The following PNPT1 variants were observed in gnomAD, a reference collection of about 807,000 sequenced individuals.
PNPT1 encodes polyribonucleotide nucleotidyltransferase 1, also known as polyribonucleotide nucleotidyltransferase 1, mitochondrial.
In PNPT1, 53 loss-of-function variants were observed where a neutral mutation model predicts 119.5. The ratio of observed to expected loss-of-function variants is 0.44; its 90% CI spans 0.36 to 0.56. The LOEUF (loss-of-function observed/expected upper bound fraction) is 0.56, where lower values mean the gene tolerates loss of function less well. PNPT1 is among the 20% of genes least tolerant of loss of function. The pLI is 0.00. For synonymous variants in PNPT1, 357 were observed against 322.1 expected, an observed-to-expected ratio of 1.11 and a Z score of -1.16; for missense variants, 948 against 938.5, an observed-to-expected ratio of 1.01 and a Z score of -0.13.
chr2:55,686,664 G>C (rs569020126), intron 2 of PNPT1, among the ~76,000 whole-genome samples: 3 of 152,288 alleles, frequency 2.0e-5, no homozygotes, highest in Non-Finnish European at 2.9e-5. Context: ...AGGTAATTTA[G>C]TCATATTCAA....
chr2:55,687,221 A>AAC (rs1697437520), intron 2 of PNPT1, among the ~76,000 whole-genome samples: 1 of 149,726 alleles, frequency 6.7e-6, no homozygotes, highest in Non-Finnish European at 1.5e-5. Context: ...CTCAAAAAAA[A>AAC]AAAAAAAAAA....
intron 8 of PNPT1, among the ~76,000 whole-genome samples, chr2:55,676,734 C>T (rs542275200): frequency 2.7e-4 from 41 of 151,734 alleles, no homozygotes; most frequent in African/African-American, 3.9e-4. Flanking sequence ...TGGTGGTGCA[C>T]GCCTGTAATC....
At position 55,672,895 on chromosome 2, in the gene PNPT1, A is replaced by G. The variant is rs1371830965; in HGVS notation, c.864T>C (p.His288=). The change falls in exon 9 of 28, where the codon CAT becomes CAC. Residue 288 remains histidine (H), a splice_region_variant and synonymous_variant. Coordinates refer to ENST00000447944, the MANE Select transcript of PNPT1 (RefSeq NM_033109.5). The stretch of plus-strand genomic sequence containing the variant: ...TTCATTTGCACAGATGTTCTTACTT[A>G]TGAGTATATTTCACAATCTCTGGCG... ...TPSPEIVKYT[H]KLAMERLYAV... The G allele has an allele frequency of 1.9e-6, 3 of 1,591,414 alleles. No individual in the cohort carries two copies. Among genetic ancestry groups the G allele is most frequent in the African/African-American group, 1.4e-5 (1 of 73,316 alleles).
intron 25 of PNPT1, among the ~76,000 whole-genome samples, chr2:55,641,136 A>G (rs1029881390): frequency 2.6e-5 from 4 of 152,130 alleles, no homozygotes; most frequent in African/African-American, 4.8e-5. Context: ...AGGCAGGAGA[A>G]TTGTTTGAAC....
intron 8 of PNPT1, among the ~76,000 whole-genome samples, chr2:55,676,654 G>C (rs1697082346): frequency 6.6e-6 from 1 of 152,124 alleles, no homozygotes; most frequent in Admixed American, 6.6e-5. Flanking sequence ...CTGAGGTCAG[G>C]AGTTTGAGAC....
At chr2:55,683,671 G>C (rs997107764) in intron 5 of PNPT1, 114 bp downstream of exon 5, 2 of 790,700 alleles carry the variant, frequency 2.5e-6, no homozygotes, top group Admixed American at 3.2e-5. Flanking sequence ...AAATATAACA[G>C]TATCATAAAA....
At position 55,661,978 on chromosome 2, in the gene PNPT1, C is replaced by G; in HGVS notation, c.1225G>C (p.Asp409His). The part of the protein sequence containing the change: ...FDSLESGIKS[D>H]QVITAINGIK... ...TACTTTATAGCTGTTATAACTTGAT[C>G]TGACTTAATACCAGATTCTAATGAA... The change falls in exon 14 of 28, where the codon GAT becomes CAT. Residue 409 changes from aspartate (D) to histidine (H), a missense_variant. By Grantham distance (81) the Asp-to-His change is moderately conservative. Coordinates refer to ENST00000447944, the MANE Select transcript of PNPT1 (RefSeq NM_033109.5). 1 of 1,571,676 alleles carries G rather than the reference C, an allele frequency of 6.4e-7. No homozygotes were observed. The highest frequency in any genetic ancestry group is 8.6e-7 in the Non-Finnish European group (1 of 1,166,258).
At chr2:55,650,206 C>A (rs1696129455) in intron 18 of PNPT1, among the ~76,000 whole-genome samples, 1 of 152,018 alleles carries the variant, frequency 6.6e-6, no homozygotes, top group Non-Finnish European at 1.5e-5. Context: ...TCCATGGTTT[C>A]CCTCTGATGC....
chr2:55,652,525 A>C lies in PNPT1; in HGVS notation c.1495+2375T>G, dbSNP rs558448254. On this transcript the variant is annotated intron_variant, in intron 18 of 27. Transcript: ENST00000447944. ...GCAGGCCAGTGTTCTCAGTCAAGTCAACATTGAAAGAGACAGGGCTGAAAT... is the reference window on the plus strand; with the variant it reads ...GCAGGCCAGTGTTCTCAGTCAAGTCCACATTGAAAGAGACAGGGCTGAAAT... Among the ~76,000 whole-genome samples, 13 of 152,302 alleles carry C rather than the reference A, an allele frequency of 8.5e-5. No homozygotes were observed. In the South Asian group the frequency reaches 1.9e-3, roughly 22 times the overall value.
chr2:55,650,683 C>T (rs1281293805), intron 18 of PNPT1, among the ~76,000 whole-genome samples: 1 of 151,692 alleles, frequency 6.6e-6, no homozygotes, highest in Non-Finnish European at 1.5e-5. Flanking sequence ...CCTGCCGCCC[C>T]GTCCGGGATG....
intron 1 of PNPT1, among the ~76,000 whole-genome samples, chr2:55,690,909 G>A (rs1335515638): frequency 6.6e-6 from 1 of 152,182 alleles, no homozygotes; most frequent in African/African-American, 2.4e-5. Flanking sequence ...TCACAGACCT[G>A]CAACAACCTA....
In PNPT1 at chr2:55,634,194, T is replaced by A. The variant is rs1475814100; in HGVS notation, c.*2043A>T. ...TAATCAATGTTTATTGACTTAAAAA[T>A]CTTTGGTTTAGCCAGATAAATTTGT... On this transcript the variant is annotated 3_prime_UTR_variant, in exon 28 of 28. Coordinates refer to ENST00000447944, the MANE Select transcript of PNPT1 (RefSeq NM_033109.5). 1 of 152,076 alleles carries A rather than the reference T, an allele frequency of 6.6e-6. No individual in the cohort carries two copies. Among genetic ancestry groups the A allele is most frequent in the Non-Finnish European group, 1.5e-5 (1 of 68,016 alleles). 9.4% of individuals were successfully genotyped at this position (152,076 alleles called of 1,614,324 possible). A position where few individuals can be genotyped will look rare whatever the true frequency, so the allele number is the denominator to read the frequency against.
chr2:55,657,301 C>CCTGGGTGGCAAAAAAGGGT (rs1696416163), intron 15 of PNPT1, among the ~76,000 whole-genome samples: 1 of 151,908 alleles, frequency 6.6e-6, no homozygotes. Flanking sequence ...TGCACTTCAG[C>CCTGGGTGGCAAAAAAGGGT]CTGTGGAACA....
At chr2:55,662,383 A>T (rs533541620) in intron 13 of PNPT1, among the ~76,000 whole-genome samples, 2 of 151,570 alleles carry the variant, frequency 1.3e-5, no homozygotes, top group African/African-American at 2.4e-5. Context: ...GCTTAAAATT[A>T]AAAAAAAATC....
At position 55,656,374 on chromosome 2, in the gene PNPT1, T is replaced by TAAAA; in HGVS notation, c.1285-7_1285-4dup. ...TCATTAGTTGCATAAGGAGGAAACT[T>TAAAA]AAAAAAAAAAAAACACAAACACACA... On this transcript the variant is annotated splice_region_variant and splice_polypyrimidine_tract_variant and intron_variant, in intron 15 of 27. Transcript: ENST00000447944. 7.8e-7 allele frequency: 1 copy of TAAAA among 1,274,190 alleles called. No individual in the cohort carries two copies. The highest frequency in any genetic ancestry group is 1.1e-6 in the Non-Finnish European group (1 of 933,144). The allele number at this position is 1,274,190 out of a possible 1,614,324, so 78.9% of individuals were successfully genotyped here.
chr2:55,666,853 C>G, intron 13 of PNPT1, 138 bp downstream of exon 13: 1 of 565,300 alleles, frequency 1.8e-6, no homozygotes, highest in Non-Finnish European at 2.9e-6. Context: ...ACAAAACAAA[C>G]AAGAACCGCC....
chr2:55,653,802 C>G (rs184384416), intron 18 of PNPT1, among the ~76,000 whole-genome samples: 1 of 152,166 alleles, frequency 6.6e-6, no homozygotes, highest in Non-Finnish European at 1.5e-5. Flanking sequence ...TTCATTTAAT[C>G]CTTTGTTATT....
intron 25 of PNPT1, among the ~76,000 whole-genome samples, chr2:55,641,020 TC>T (rs1695818380): frequency 1.3e-5 from 2 of 152,034 alleles, no homozygotes; most frequent in African/African-American, 4.8e-5. Context: ...GGTCAAGAGA[TC>T]AACTCCACCC....
intron 5 of PNPT1, 94 bp from the exon 6 acceptor site, chr2:55,681,012 G>A: frequency 2.1e-6 from 2 of 961,118 alleles, no homozygotes; most frequent in Admixed American, 2.2e-5. Flanking sequence ...TAAAAGCAGG[G>A]GCTTTGTAGC....
Sources: allele counts gnomAD v4.1 joint callset (sites outside exome capture counted in the v4.1 genomes callset), GRCh38; gene constraint gnomAD v4.1.1; transcripts MANE v1.5; gene names NCBI Gene and HGNC (gene_info 2026-07-23, HGNC 2026-07-21).